EHBP1: variants seen among roughly 807,000 people sequenced by gnomAD.
The protein encoded by EHBP1 is EH domain binding protein 1.
A neutral mutation model predicts 144.0 loss-of-function variants in EHBP1; 55 were observed. That is an observed-to-expected ratio of 0.38 (90% CI 0.31 to 0.48). The LOEUF is 0.48. EHBP1 is among the 20% of genes least tolerant of loss of function. EHBP1 has a pLI of 0.98. For missense variants in EHBP1, 1,200 were observed against 1,364.2 expected (o/e 0.88, Z 1.90); for synonymous variants, 469 against 472.7 (o/e 0.99, Z 0.10).
At chr2:62,812,189 C>T (rs753656606) in intron 5 of EHBP1, among the ~76,000 whole-genome samples, 1 of 152,140 alleles carries the variant, frequency 6.6e-6, no homozygotes, top group Non-Finnish European at 1.5e-5. Flanking sequence ...GATGCTGGCT[C>T]CTTGAGTTGG....
chr2:63,006,948 G>A (rs761043393), intron 19 of EHBP1, among the ~76,000 whole-genome samples: 9 of 151,772 alleles, frequency 5.9e-5, no homozygotes, highest in East Asian at 1.9e-4. Context: ...GCTGAAGTAC[G>A]TGAGTAGCAT....
intron 9 of EHBP1, among the ~76,000 whole-genome samples, chr2:62,873,551 A>T (rs2050650470): frequency 6.6e-6 from 1 of 152,166 alleles, no homozygotes. Flanking sequence ...AGAAGAGGCT[A>T]TCAAAGAGAT....
At chr2:62,834,291 C>CA (rs976624033) in intron 7 of EHBP1, among the ~76,000 whole-genome samples, 2 of 152,168 alleles carry the variant, frequency 1.3e-5, no homozygotes, top group African/African-American at 4.8e-5. Flanking sequence ...AGTAAAATGT[C>CA]AAACAGCATT....
At chr2:62,830,146 A>G (rs1024566833) in intron 6 of EHBP1, among the ~76,000 whole-genome samples, 13 of 123,250 alleles carry the variant, frequency 1.1e-4, no homozygotes, top group Non-Finnish European at 1.9e-4. Flanking sequence ...ATATATATAT[A>G]TATATAGACA....
At position 62,864,837 on chromosome 2, in the gene EHBP1, C is replaced by T. The variant is rs188063960; in HGVS notation, c.864C>T (p.Phe288=). 1.3e-5 allele frequency: 21 copies of T among 1,614,010 alleles called. No homozygotes were observed. Among genetic ancestry groups the T allele is most frequent in the Admixed American group, 3.3e-5 (2 of 60,010 alleles). The change falls in exon 9 of 23, where the codon TTC becomes TTT. Residue 288 remains phenylalanine (F), a synonymous_variant. Coordinates refer to ENST00000431489, the MANE Select transcript of EHBP1 (RefSeq NM_001142616.3). ...EVQTPQYLNP[F]DEPEAFVTIK... is the part of the protein sequence containing the mutation. The stretch of plus-strand genomic sequence containing the variant: ...AGACTCCACAGTATTTGAACCCATT[C>T]GATGAGCCAGAAGCATTTGTGACCA...
chr2:62,697,357 T>C (rs2034136109), intron 1 of EHBP1, among the ~76,000 whole-genome samples: 1 of 152,218 alleles, frequency 6.6e-6, no homozygotes, highest in Admixed American at 6.5e-5. Flanking sequence ...TTCTGACAAG[T>C]CTCTATGTGA....
At chr2:62,881,707 A>T (rs2051436319) in intron 10 of EHBP1, 1 of 152,150 alleles carries the variant, frequency 6.6e-6, no homozygotes, top group Admixed American at 6.5e-5. Context: ...TTAATACGTG[A>T]TGACTACATG....
At chr2:62,909,743 T>C (rs1190603478) in intron 10 of EHBP1, among the ~76,000 whole-genome samples, 1 of 152,092 alleles carries the variant, frequency 6.6e-6, no homozygotes, top group Non-Finnish European at 1.5e-5. Context: ...GTTTTTCATT[T>C]TTTTATTTTT....
At chr2:62,775,750 G>A (rs186041692) in intron 5 of EHBP1, among the ~76,000 whole-genome samples, 1 of 152,284 alleles carries the variant, frequency 6.6e-6, no homozygotes, top group Non-Finnish European at 1.5e-5. Flanking sequence ...TAACTCTGGT[G>A]TGAGTCAGAT....
chr2:62,994,278 A>C (rs1206138798), intron 18 of EHBP1: 2 of 174,360 alleles, frequency 1.1e-5, no homozygotes, highest in African/African-American at 4.7e-5. Context: ...TAATTATTAC[A>C]ATAGCAGATA....
At chr2:62,875,281 G>A (rs1012051840) in intron 10 of EHBP1, among the ~76,000 whole-genome samples, 16 of 152,160 alleles carry the variant, frequency 1.1e-4, no homozygotes, top group Non-Finnish European at 7.3e-5. Context: ...TCAGGCCCTC[G>A]AGCACAGCAG....
chr2:62,774,493 A>G (rs1327047850), intron 5 of EHBP1, among the ~76,000 whole-genome samples: 1 of 152,186 alleles, frequency 6.6e-6, no homozygotes, highest in Non-Finnish European at 1.5e-5. Flanking sequence ...AGTTTGCTTT[A>G]CTTGACATAA....
intron 10 of EHBP1, among the ~76,000 whole-genome samples, chr2:62,877,698 C>G (rs2051009366): frequency 6.6e-6 from 1 of 152,170 alleles, no homozygotes; most frequent in African/African-American, 2.4e-5. Context: ...GACCATCTCT[C>G]AAAACCATGT....
chr2:62,827,015 C>A (rs916473624), intron 6 of EHBP1, among the ~76,000 whole-genome samples: 1 of 152,136 alleles, frequency 6.6e-6, no homozygotes, highest in Admixed American at 6.5e-5. Flanking sequence ...AAATTCTATA[C>A]CTAGACTTAA....
intron 19 of EHBP1, among the ~76,000 whole-genome samples, chr2:63,018,013 A>G (rs1559072652): frequency 6.6e-6 from 1 of 152,152 alleles, no homozygotes; most frequent in Non-Finnish European, 1.5e-5. Context: ...AAACTAAAAA[A>G]TTTAGCTGGT....
chr2:62,825,499 G>A (rs747620027), intron 5 of EHBP1, among the ~76,000 whole-genome samples: 4 of 151,602 alleles, frequency 2.6e-5, no homozygotes, highest in Non-Finnish European at 5.9e-5. Context: ...TTTCTTTTAT[G>A]ATATATGTGC....
At chr2:62,675,394 C>T (rs901264229) in intron 1 of EHBP1, among the ~76,000 whole-genome samples, 3 of 152,124 alleles carry the variant, frequency 2.0e-5, no homozygotes, top group African/African-American at 7.2e-5. Context: ...CAAGTCATGG[C>T]CCTTGAGGTA....
chr2:62,894,923 AAGAAAGAGAG>A (rs994404406), intron 10 of EHBP1, among the ~76,000 whole-genome samples: 41 of 53,214 alleles, frequency 7.7e-4, no homozygotes, highest in African/African-American at 2.9e-3. Context: ...CAAAAACAGA[AAGAAAGAGAG>A]AGAGAGAGAG....
intron 2 of EHBP1, among the ~76,000 whole-genome samples, chr2:62,729,432 A>ATTTATTATAT (rs1553380028): frequency 1.8e-5 from 2 of 111,520 alleles, no homozygotes; most frequent in African/African-American, 7.2e-5. Context: ...ATAATATAAT[A>ATTTATTATAT]ATAATAAATA....
Sources: allele counts gnomAD v4.1 joint callset (sites outside exome capture counted in the v4.1 genomes callset), GRCh38; gene constraint gnomAD v4.1.1; transcripts MANE v1.5; gene names NCBI Gene and HGNC (gene_info 2026-07-23, HGNC 2026-07-21).